The following PTPRD variants were observed in gnomAD, a reference collection of about 807,000 sequenced individuals.
The protein encoded by PTPRD is receptor-type tyrosine-protein phosphatase delta.
PTPRD carries 34 observed loss-of-function variants against 214.5 expected under a neutral mutation model. The ratio of observed to expected loss-of-function variants is 0.16; its 90% CI spans 0.12 to 0.21. PTPRD has a LOEUF of 0.21. PTPRD is among the 10% of genes least tolerant of loss of function. The probability of loss-of-function intolerance (pLI) is 1.00; values close to 1 mark genes in which losing one functional copy is unlikely to be tolerated. For synonymous variants in PTPRD, 1,128 were observed against 845.7 expected (o/e 1.33, Z -5.79); for missense variants, 2,545 against 2,398.7 (o/e 1.06, Z -1.27).
chr9:9,586,794 G>T (rs1190594248), intron 7 of PTPRD, among the ~76,000 whole-genome samples: 2 of 151,928 alleles, frequency 1.3e-5, no homozygotes, highest in Admixed American at 6.6e-5. Flanking sequence ...GGAAAAAAGA[G>T]ATATATCACT....
chr9:9,578,899 A>T (rs1275728527), intron 7 of PTPRD, among the ~76,000 whole-genome samples: 2 of 152,138 alleles, frequency 1.3e-5, no homozygotes, highest in African/African-American at 4.8e-5. Flanking sequence ...CCATTTACCA[A>T]ACATATAATG....
intron 8 of PTPRD, among the ~76,000 whole-genome samples, chr9:9,499,989 TC>T (rs964139137): frequency 6.6e-6 from 1 of 152,040 alleles, no homozygotes; most frequent in Non-Finnish European, 1.5e-5. Context: ...TAATAACAAT[TC>T]TTGGGCTGCC....
rs576693977 is a variant in PTPRD at position 8,542,202 on chromosome 9, G to T, written c.353-13423C>A. Reference sequence around the variant, plus strand: ...TTTGAAGGTAAATACAAGTGTGTGGGCACTTCGGTGCTTGCGGGCATGTGT... The same window carrying T: ...TTTGAAGGTAAATACAAGTGTGTGGTCACTTCGGTGCTTGCGGGCATGTGT... On this transcript the variant is annotated intron_variant, in intron 14 of 45. Transcript: ENST00000381196. Among the ~76,000 whole-genome samples the T allele has an allele frequency of 9.5e-4, 144 of 152,314 alleles. 1 individual carries two copies. Among genetic ancestry groups the T allele is most frequent in the African/African-American group, 3.2e-3 (135 of 41,574 alleles).
chr9:8,768,343 A>C (rs62528809), intron 11 of PTPRD, among the ~76,000 whole-genome samples: 2 of 152,114 alleles, frequency 1.3e-5, no homozygotes, highest in East Asian at 1.9e-4. Flanking sequence ...TTGAGCCTAT[A>C]AGTTCAGGAC....
chr9:10,172,804 G>A (rs149938721), intron 3 of PTPRD, among the ~76,000 whole-genome samples: 47 of 152,310 alleles, frequency 3.1e-4, no homozygotes, highest in African/African-American at 1.1e-3. Context: ...TCAGTGTTGG[G>A]TTATGGTATA....
chr9:10,209,529 C>T (rs934060210), intron 3 of PTPRD, among the ~76,000 whole-genome samples: 1 of 152,086 alleles, frequency 6.6e-6, no homozygotes, highest in Non-Finnish European at 1.5e-5. Flanking sequence ...CCCATGTTCT[C>T]GCATAGAACT....
At chr9:9,600,824 G>T (rs772431504) in intron 7 of PTPRD, among the ~76,000 whole-genome samples, 2 of 151,960 alleles carry the variant, frequency 1.3e-5, no homozygotes, top group African/African-American at 4.8e-5. Flanking sequence ...TACTGGTCTG[G>T]CTTCTAAATA....
chr9:9,135,409 T>G (rs997832322), intron 10 of PTPRD, among the ~76,000 whole-genome samples: 6 of 152,240 alleles, frequency 3.9e-5, no homozygotes, highest in African/African-American at 1.4e-4. Flanking sequence ...AATCGATGTG[T>G]GTATACACAG....
intron 10 of PTPRD, among the ~76,000 whole-genome samples, chr9:9,101,538 G>A (rs1454491007): frequency 6.6e-6 from 1 of 152,140 alleles, no homozygotes; most frequent in Non-Finnish European, 1.5e-5. Flanking sequence ...CAAAGTGCTT[G>A]CTCAAGATTG....
chr9:9,338,729 CAT>C (rs1214521266), intron 9 of PTPRD, among the ~76,000 whole-genome samples: 7 of 152,058 alleles, frequency 4.6e-5, no homozygotes, highest in East Asian at 1.9e-4. Context: ...TTTTGGGACA[CAT>C]GTGCAGAACG....
intron 2 of PTPRD, among the ~76,000 whole-genome samples, chr9:10,498,606 T>C (rs1160107835): frequency 1.3e-5 from 2 of 151,872 alleles, no homozygotes; most frequent in African/African-American, 4.8e-5. Flanking sequence ...AACCAACATT[T>C]TCAGTAATTT....
intron 36 of PTPRD, 55 bp downstream of exon 36, chr9:8,404,482 G>C (rs1589605824): frequency 1.3e-6 from 2 of 1,573,722 alleles, no homozygotes; most frequent in African/African-American, 1.3e-5. Flanking sequence ...ATATTCTCAT[G>C]CACATACTCA....
chr9:8,936,244 C>T (rs763006381), intron 11 of PTPRD: 1 of 151,640 alleles, frequency 6.6e-6, no homozygotes, highest in Non-Finnish European at 1.5e-5. Flanking sequence ...CACCCCATCT[C>T]TACAAAAAAT....
At chr9:9,911,894 A>T (rs1246321335) in intron 5 of PTPRD, among the ~76,000 whole-genome samples, 2 of 152,130 alleles carry the variant, frequency 1.3e-5, no homozygotes, top group Non-Finnish European at 2.9e-5. Flanking sequence ...GGTCATTTTT[A>T]CTTAAAATAC....
At chr9:8,805,012 G>C (rs1226934738) in intron 11 of PTPRD, among the ~76,000 whole-genome samples, 2 of 152,176 alleles carry the variant, frequency 1.3e-5, no homozygotes, top group South Asian at 4.1e-4. Context: ...AGGCTCAGAA[G>C]GGATTACAGC....
intron 7 of PTPRD, among the ~76,000 whole-genome samples, chr9:9,634,947 G>T (rs1213210632): frequency 6.6e-6 from 1 of 152,086 alleles, no homozygotes; most frequent in Admixed American, 6.6e-5. Context: ...AGCTGTAGGA[G>T]GCAAAGAAAA....
intron 10 of PTPRD, among the ~76,000 whole-genome samples, chr9:9,112,109 T>C (rs2099806954): frequency 6.6e-6 from 1 of 152,176 alleles, no homozygotes; most frequent in African/African-American, 2.4e-5. Flanking sequence ...TTCTCTTTCC[T>C]GTCTACAAAG....
At chr9:8,779,779 C>A (rs1369866956) in intron 11 of PTPRD, among the ~76,000 whole-genome samples, 1 of 150,142 alleles carries the variant, frequency 6.7e-6, no homozygotes, top group African/African-American at 2.5e-5. Flanking sequence ...CCCAAGAAGG[C>A]ATATTTGCTC....
chr9:10,593,035 C>T (rs1023960600), intron 2 of PTPRD, among the ~76,000 whole-genome samples: 1 of 151,934 alleles, frequency 6.6e-6, no homozygotes, highest in Non-Finnish European at 1.5e-5. Context: ...ACACTCACCA[C>T]GAAGGTCTGC....
Sources: allele counts gnomAD v4.1 joint callset (sites outside exome capture counted in the v4.1 genomes callset), GRCh38; gene constraint gnomAD v4.1.1; transcripts MANE v1.5; gene names NCBI Gene and HGNC (gene_info 2026-07-23, HGNC 2026-07-21).